The following ZNF500 variants were observed in gnomAD, a reference collection of about 807,000 sequenced individuals.
ZNF500 encodes the protein zinc finger protein 500.
ZNF500 carries 31 observed loss-of-function variants against 30.1 expected under a neutral mutation model. The ratio of observed to expected loss-of-function variants is 1.03; its 90% CI spans 0.77 to 1.39. The LOEUF (loss-of-function observed/expected upper bound fraction) is 1.39, where lower values mean the gene tolerates loss of function less well. Ranked by LOEUF, ZNF500 falls within the 40% of genes most tolerant of loss-of-function variation. The probability of loss-of-function intolerance (pLI) is 0.00; values close to 1 mark genes in which losing one functional copy is unlikely to be tolerated. For missense variants in ZNF500, 817 were observed against 657.8 expected, an observed-to-expected ratio of 1.24 and a Z score of -2.65; for synonymous variants, 392 against 282.0, an observed-to-expected ratio of 1.39 and a Z score of -3.91.
chr16:4,747,666 G>A, downstream of ZNF500: 1 of 1,564,870 alleles, frequency 6.4e-7, no homozygotes, highest in Non-Finnish European at 8.7e-7. Context: ...GCAGGGGCGG[G>A]CTGACTTGCC....
At chr16:4,763,012 GATAGACCCT>G in intron 2 of ZNF500, 1 of 985,416 alleles carries the variant, frequency 1.0e-6, no homozygotes, top group Non-Finnish European at 1.2e-6. Flanking sequence ...TGGTCCTCCT[GATAGACCCT>G]GGGATAGACC....
In ZNF500 at chr16:4,766,000, C is replaced by T; in HGVS notation, c.-22G>A. On this transcript the variant is annotated 5_prime_UTR_variant, in exon 2 of 6. Coordinates refer to ENST00000219478, the MANE Select transcript of ZNF500 (RefSeq NM_021646.4). ...CCATTGCTTCCGGTGGGCCTTGTTC[C>T]TTTTCAGGCCTTAGAGTTGAACCTG... is the stretch of plus-strand genomic sequence containing the variant. 6.6e-7 allele frequency: 1 copy of T among 1,525,868 alleles called. No homozygotes were observed. The highest frequency in any genetic ancestry group is 8.7e-7 in the Non-Finnish European group (1 of 1,143,688). The allele number at this position is 1,525,868 out of a possible 1,614,324, so 94.5% of individuals were successfully genotyped here.
At chr16:4,763,050 G>A in intron 2 of ZNF500, 1 of 985,440 alleles carries the variant, frequency 1.0e-6, no homozygotes. Flanking sequence ...GAAGAGCCCT[G>A]AGTCAGCGCT....
intron 5 of ZNF500, among the ~76,000 whole-genome samples, chr16:4,755,273 C>T (rs1005732672): frequency 3.3e-5 from 5 of 151,862 alleles, no homozygotes; most frequent in African/African-American, 1.2e-4. Context: ...GAGATATAGG[C>T]GTGAGCCACA....
Position 4,765,779 on chromosome 16 carries a change from G to A in ZNF500, c.200C>T (p.Ala67Val). 6.2e-7 allele frequency: 1 copy of A among 1,612,948 alleles called. No homozygotes were observed. Among genetic ancestry groups the A allele is most frequent in the Non-Finnish European group, 8.5e-7 (1 of 1,179,834 alleles). The change falls in exon 2 of 6, where the codon GCC (alanine) becomes GTC (valine). Residue 67 changes from alanine to valine, a missense_variant. Coordinates refer to ENST00000219478, the MANE Select transcript of ZNF500 (RefSeq NM_021646.4). ...CYQEVAGPRE[A>V]LSRLWELCCR... ...GCACAGCTCCCAGAGGCGGCTCAGG[G>A]CCTCCCGGGGCCCAGCCACCTCCTG...
At chr16:4,747,413 C>G (rs878906775), downstream of ZNF500, 3 of 1,612,806 alleles carry the variant, frequency 1.9e-6, no homozygotes, top group Admixed American at 1.7e-5. Context: ...CCAGCCCGAG[C>G]TGCCTGCCAG....
rs775974130 is a variant in ZNF500 at position 4,760,510 on chromosome 16, C to T, written c.742G>A (p.Ala248Thr). ...PRCMDPAQRD[A>T]PLENEGPGIQ... ...AAGTTACCTTCATTCTCCAGCGGCG[C>T]GTCCCGCTGAGCTGGGTCCATGCAT... Residue 248 changes from alanine (A) to threonine (T), a missense_variant, in exon 5 of 6, where the codon GCG (alanine) becomes ACG (threonine). Ala to Thr is a moderately conservative substitution (Grantham distance 58). Coordinates refer to ENST00000219478, the MANE Select transcript of ZNF500 (RefSeq NM_021646.4). 3.0e-5 allele frequency: 48 copies of T among 1,613,502 alleles called. No homozygotes were observed. The Admixed American group carries it at 3.8e-4, about 13-fold the overall frequency.
At position 4,767,142 on chromosome 16, in the gene ZNF500, C is replaced by G. The variant is rs1460750201; in HGVS notation, c.-224G>C. The G allele has an allele frequency of 6.6e-6, 1 of 152,344 alleles. No individual in the cohort carries two copies. Among genetic ancestry groups the G allele is most frequent in the African/African-American group, 2.4e-5 (1 of 41,460 alleles). The allele number at this position is 152,344 out of a possible 1,614,324, so 9.4% of individuals were successfully genotyped here. A position where few individuals can be genotyped will look rare whatever the true frequency, so the allele number is the denominator to read the frequency against. On this transcript the variant is annotated 5_prime_UTR_variant, in exon 1 of 6. Transcript: ENST00000219478. ...AGAGCCGGGGCCGAAGACCCTAAAC[C>G]AGGGGTGCAAACCAGGCCGTGCGGG...
At chr16:4,746,871 G>A, downstream of ZNF500, 1 of 1,440,486 alleles carries the variant, frequency 6.9e-7, no homozygotes, top group Non-Finnish European at 9.3e-7. Context: ...GCCCCAACAA[G>A]AGTTGGAACA....
At position 4,751,645 on chromosome 16, in the gene ZNF500, C is replaced by A. The variant is rs2082078936; in HGVS notation, c.*731G>T. 2 of 1,535,246 alleles carry A rather than the reference C, an allele frequency of 1.3e-6. No homozygotes were observed. Among genetic ancestry groups the A allele is most frequent in the South Asian group, 1.2e-5 (1 of 84,042 alleles). ...TCCCTCAAATTCATGTGCACCCAGACCTCAGAATGTGACCTTATTTGGAAA... is the reference window on the plus strand; with the variant it reads ...TCCCTCAAATTCATGTGCACCCAGAACTCAGAATGTGACCTTATTTGGAAA... On this transcript the variant is annotated 3_prime_UTR_variant, in exon 6 of 6. Coordinates refer to ENST00000219478, the MANE Select transcript of ZNF500 (RefSeq NM_021646.4).
chr16:4,763,025 A>T, intron 2 of ZNF500: 1 of 985,454 alleles, frequency 1.0e-6, no homozygotes, highest in Non-Finnish European at 1.2e-6. Flanking sequence ...AGACCCTGGG[A>T]TAGACCCTGG....
intron 4 of ZNF500, among the ~76,000 whole-genome samples, 170 bp downstream of exon 4, chr16:4,762,101 C>T (rs1183896089): frequency 6.6e-6 from 1 of 152,110 alleles, no homozygotes; most frequent in Non-Finnish European, 1.5e-5. Flanking sequence ...CCCAGGAGGC[C>T]AGGGGAAGTG....
In ZNF500 at chr16:4,762,854, C is replaced by T. The variant is rs986808827; in HGVS notation, c.415-98G>A. 1.8e-5 allele frequency: 26 copies of T among 1,466,678 alleles called. No individual in the cohort carries two copies. The African/African-American group carries it at 2.8e-4, about 16-fold the overall frequency. 90.9% of individuals were successfully genotyped at this position (1,466,678 alleles called of 1,614,324 possible). Reference sequence around the variant, plus strand: ...CCCTCATCTCAGGCACCCCAGCCGGCTGCCCACCCCCGGGCTGTCTGCAGC... The same window carrying T: ...CCCTCATCTCAGGCACCCCAGCCGGTTGCCCACCCCCGGGCTGTCTGCAGC... On this transcript the variant is annotated intron_variant, in intron 2 of 5. Coordinates refer to ENST00000219478, the MANE Select transcript of ZNF500 (RefSeq NM_021646.4).
In ZNF500 at chr16:4,762,690, C is replaced by G. The variant is rs1172587830; in HGVS notation, c.481G>C (p.Ala161Pro). ...GIGGQFLKHQ[A>P]EAQPEDLSLE... ...GACAGATCCTCTGGCTGAGCCTCTG[C>G]CTGGTGTTTTAAGAACTGTCCCCCT... Residue 161 changes from alanine (A) to proline (P), a missense_variant, in exon 3 of 6, where the codon GCA becomes CCA. Transcript: ENST00000219478. 6.2e-7 allele frequency: 1 copy of G among 1,613,978 alleles called. No individual in the cohort carries two copies. The highest frequency in any genetic ancestry group is 1.7e-5 in the Admixed American group (1 of 60,006).
rs540829128 is a variant in ZNF500, at chr16:4,751,384, C to G, written c.*992G>C. On this transcript the variant is annotated 3_prime_UTR_variant, in exon 6 of 6. Transcript: ENST00000219478. The stretch of plus-strand genomic sequence containing the variant: ...AGCAAACGCAGCCCTGGGCCCCGGC[C>G]CTGGGGAGATGTCAGGCCCGTCACA... The G allele has an allele frequency of 4.4e-4, 257 of 583,856 alleles. 1 individual carries two copies. The African/African-American group carries it at 4.6e-3, about 10-fold the overall frequency. 36.2% of individuals were successfully genotyped at this position (583,856 alleles called of 1,614,324 possible).
chr16:4,746,382 T>C, downstream of ZNF500: 1 of 1,611,642 alleles, frequency 6.2e-7, no homozygotes, highest in Non-Finnish European at 8.5e-7. Context: ...CAGATGTGCC[T>C]CAAGGAAGCA....
intron 4 of ZNF500, among the ~76,000 whole-genome samples, chr16:4,762,026 T>A (rs566821374): frequency 8.0e-4 from 121 of 152,186 alleles, no homozygotes; most frequent in Non-Finnish European, 1.4e-3. Context: ...GTCTCACTGG[T>A]GGACCGCAGA....
intron 2 of ZNF500, chr16:4,763,120 A>C: frequency 3.0e-6 from 3 of 985,446 alleles, no homozygotes; most frequent in Non-Finnish European, 3.6e-6. Flanking sequence ...TTATCTGGCC[A>C]GCTGCAATGG....
At chr16:4,760,324 A>G (rs2082183701) in intron 5 of ZNF500, among the ~76,000 whole-genome samples, 168 bp downstream of exon 5, 1 of 152,134 alleles carries the variant, frequency 6.6e-6, no homozygotes, top group South Asian at 2.1e-4. Flanking sequence ...GTCACGGCCG[A>G]GTGGCTGTGC....
Sources: allele counts gnomAD v4.1 joint callset (sites outside exome capture counted in the v4.1 genomes callset), GRCh38; gene constraint gnomAD v4.1.1; transcripts MANE v1.5; gene names NCBI Gene and HGNC (gene_info 2026-07-23, HGNC 2026-07-21).